Variants in SPCS2 observed in about 807,000 individuals in gnomAD.
SPCS2 encodes SPase 25 kDa subunit.
A neutral mutation model predicts 22.3 loss-of-function variants in SPCS2; 3 were observed. The ratio of observed to expected loss-of-function variants is 0.13; its 90% confidence interval spans 0.06 to 0.35. SPCS2 has a LOEUF of 0.35. Among genes scored for constraint, SPCS2 ranks in the 10% least tolerant of loss-of-function variants. SPCS2 has a pLI of 1.00. For synonymous variants in SPCS2, 67 were observed against 97.2 expected, an observed-to-expected ratio of 0.69 and a Z score of 1.83; for missense variants, 169 against 280.9, an observed-to-expected ratio of 0.60 and a Z score of 2.85.
chr11:74,960,815 G>A (rs1302280787), intron 1 of SPCS2, among the ~76,000 whole-genome samples: 1 of 152,066 alleles, frequency 6.6e-6, no homozygotes, highest in Non-Finnish European at 1.5e-5. Context: ...GTGAGATAGT[G>A]TATATAAAAT....
intron 1 of SPCS2, among the ~76,000 whole-genome samples, chr11:74,962,778 T>G (rs1031525990): frequency 6.6e-6 from 1 of 152,224 alleles, no homozygotes; most frequent in Non-Finnish European, 1.5e-5. Context: ...AATTATAACC[T>G]TTCTTGTGAT....
chr11:74,963,416 A>G (rs1402572857), intron 1 of SPCS2, among the ~76,000 whole-genome samples: 1 of 152,080 alleles, frequency 6.6e-6, no homozygotes, highest in Non-Finnish European at 1.5e-5. Flanking sequence ...TTCACAGAAC[A>G]GGTTTTCTCT....
intron 1 of SPCS2, among the ~76,000 whole-genome samples, chr11:74,960,740 T>C (rs1319838537): frequency 6.6e-6 from 1 of 152,178 alleles, no homozygotes. Context: ...TTTTAAACCC[T>C]TAGTGTTATC....
In SPCS2 at chr11:74,958,932, C is replaced by T. The variant is rs570169820; in HGVS notation, c.115-6102C>T. ...CCACTAAAATGACTTAAAAAAAAAA[C>T]GTAAATTTGATTGTTATTCCCATGC... On this transcript the variant is annotated intron_variant, in intron 1 of 4. Coordinates refer to ENST00000263672, the MANE Select transcript of SPCS2 (RefSeq NM_014752.3). 4.6e-5 allele frequency among the ~76,000 whole-genome samples: 7 copies of T among 151,932 alleles called. 1 individual carries two copies. Among genetic ancestry groups the T allele is most frequent in the East Asian group, 1.9e-4 (1 of 5,160 alleles).
rs150793944 is a variant in SPCS2 at position 74,976,193 on chromosome 11, A to G, written c.495-664A>G. On this transcript the variant is annotated intron_variant, in intron 4 of 4. Coordinates refer to ENST00000263672, the MANE Select transcript of SPCS2 (RefSeq NM_014752.3). ...GCCTACTAGAAGCCCAGCTAAGAGT[A>G]TGAAGCAATTAAGACAACAATCTTT... is the stretch of plus-strand genomic sequence containing the variant. Among the ~76,000 whole-genome samples the G allele has an allele frequency of 3.7e-3, 561 of 152,348 alleles. 1 individual carries two copies. Among genetic ancestry groups the G allele is most frequent in the Non-Finnish European group, 6.6e-3 (452 of 68,032 alleles).
intron 1 of SPCS2, among the ~76,000 whole-genome samples, chr11:74,955,884 A>ATATATATATATATATATATATC (rs1555115691): frequency 7.8e-6 from 1 of 127,842 alleles, no homozygotes; most frequent in East Asian, 2.6e-4. Context: ...ATATATATAT[A>ATATATATATATATATATATATC]TATCTGCCTG....
At chr11:74,956,364 T>A (rs566729953) in intron 1 of SPCS2, among the ~76,000 whole-genome samples, 1 of 152,336 alleles carries the variant, frequency 6.6e-6, no homozygotes, top group Non-Finnish European at 1.5e-5. Context: ...GTATCAGGCA[T>A]CAATAGCCAG....
At chr11:74,963,721 G>T in intron 1 of SPCS2, 1 of 303,794 alleles carries the variant, frequency 3.3e-6, no homozygotes, top group Non-Finnish European at 6.7e-6. Flanking sequence ...ATTTCTTATA[G>T]GCATTATCTT....
At chr11:74,963,408 CACAGA>C (rs1305666639) in intron 1 of SPCS2, among the ~76,000 whole-genome samples, 12 of 151,716 alleles carry the variant, frequency 7.9e-5, no homozygotes, top group African/African-American at 2.9e-4. Flanking sequence ...TAACAAACTT[CACAGA>C]ACAGGTTTTC....
In SPCS2 at chr11:74,973,123, G is replaced by T. The variant is rs570055930; in HGVS notation, c.494+3424G>T. Among the ~76,000 whole-genome samples the T allele has an allele frequency of 3.9e-5, 6 of 152,096 alleles. No homozygotes were observed. The South Asian group carries it at 1.2e-3, about 31-fold the overall frequency. On this transcript the variant is annotated intron_variant, in intron 4 of 4. Coordinates refer to ENST00000263672, the MANE Select transcript of SPCS2 (RefSeq NM_014752.3). ...ATATTTCCACTGCAGACTGCAAGTG[G>T]TGGCTGATGTTTCTCTCACAGCCTT...
intron 2 of SPCS2, among the ~76,000 whole-genome samples, chr11:74,965,502 ATC>A (rs1220733418): frequency 2.0e-5 from 3 of 152,214 alleles, no homozygotes; most frequent in Admixed American, 2.0e-4. Flanking sequence ...ATGATAAATC[ATC>A]TCTCCATTTG....
intron 1 of SPCS2, among the ~76,000 whole-genome samples, chr11:74,954,060 C>T (rs1948462280): frequency 6.6e-6 from 1 of 152,218 alleles, no homozygotes; most frequent in Non-Finnish European, 1.5e-5. Flanking sequence ...TTTTTCTTCA[C>T]ATGTCTCTAT....
intron 3 of SPCS2, among the ~76,000 whole-genome samples, chr11:74,966,406 A>G (rs1297035024): frequency 6.6e-6 from 1 of 152,260 alleles, no homozygotes; most frequent in African/African-American, 2.4e-5. Flanking sequence ...CAGTGGAATT[A>G]AGAACTTATT....
intron 3 of SPCS2, among the ~76,000 whole-genome samples, chr11:74,968,830 T>A (rs1168038398): frequency 6.6e-6 from 1 of 151,960 alleles, no homozygotes; most frequent in African/African-American, 2.4e-5. Flanking sequence ...TAGCCTTAAT[T>A]TTTGTATTTT....
chr11:74,950,786 T>A (rs1163206206), intron 1 of SPCS2, among the ~76,000 whole-genome samples: 3 of 152,142 alleles, frequency 2.0e-5, no homozygotes, highest in Non-Finnish European at 2.9e-5. Flanking sequence ...CCTCAAGAGA[T>A]CCTCCCACCT....
chr11:74,949,532 C>G (rs1209850977), intron 1 of SPCS2, 133 bp downstream of exon 1: 2 of 789,370 alleles, frequency 2.5e-6, no homozygotes, highest in East Asian at 5.5e-5. Flanking sequence ...CTATCACAAC[C>G]CTACGCACGC....
intron 3 of SPCS2, among the ~76,000 whole-genome samples, chr11:74,966,916 G>T (rs938607129): frequency 3.9e-5 from 6 of 152,036 alleles, no homozygotes; most frequent in African/African-American, 1.4e-4. Flanking sequence ...CACCATGTCT[G>T]CCTAATTTTT....
intron 4 of SPCS2, among the ~76,000 whole-genome samples, chr11:74,971,120 T>C (rs1429755158): frequency 6.6e-6 from 1 of 152,258 alleles, no homozygotes; most frequent in Non-Finnish European, 1.5e-5. Context: ...TGTGGTCTTT[T>C]ATAACTGGGT....
At chr11:74,957,008 A>G (rs1948482940) in intron 1 of SPCS2, among the ~76,000 whole-genome samples, 1 of 151,918 alleles carries the variant, frequency 6.6e-6, no homozygotes, top group African/African-American at 2.4e-5. Context: ...TAAAAACTCT[A>G]TTGCATTTTT....
Sources: allele counts gnomAD v4.1 joint callset (sites outside exome capture counted in the v4.1 genomes callset), GRCh38; gene constraint gnomAD v4.1.1; transcripts MANE v1.5; gene names NCBI Gene and HGNC (gene_info 2026-07-23, HGNC 2026-07-21).